The following KCTD1 variants were observed in gnomAD, a reference collection of about 807,000 sequenced individuals.
KCTD1 encodes the protein potassium channel tetramerization domain containing 1, also known as BTB/POZ domain-containing protein KCTD1.
A neutral mutation model predicts 66.0 loss-of-function variants in KCTD1; 24 were observed. The observed-to-expected ratio is 0.36, with a 90% CI of 0.26 to 0.51. KCTD1 has a LOEUF of 0.51. KCTD1 is among the 20% of genes least tolerant of loss of function. KCTD1 has a pLI of 0.95. For missense variants in KCTD1, 943 were observed against 1,205.2 expected, an observed-to-expected ratio of 0.78 and a Z score of 3.22; for synonymous variants, 511 against 517.2, an observed-to-expected ratio of 0.99 and a Z score of 0.16.
intron 2 of KCTD1, among the ~76,000 whole-genome samples, chr18:26,500,141 G>A (rs1398567449): frequency 6.6e-6 from 1 of 152,062 alleles, no homozygotes; most frequent in East Asian, 1.9e-4. Flanking sequence ...AATTAGCCAG[G>A]TGCAGTGGCT....
At chr18:26,626,166 C>A (rs116099129) in intron 1 of KCTD1, among the ~76,000 whole-genome samples, 40 of 138,650 alleles carry the variant, frequency 2.9e-4, no homozygotes, top group South Asian at 9.4e-4. Context: ...AAAAAAAAAA[C>A]AAAAAAAAAA....
intron 1 of KCTD1, among the ~76,000 whole-genome samples, chr18:26,651,797 AAAAAG>A (rs1414074936): frequency 4.4e-4 from 63 of 142,272 alleles, no homozygotes; most frequent in African/African-American, 1.6e-3. Flanking sequence ...AAAAAAAAAA[AAAAAG>A]AAGAAGAAGA....
intron 1 of KCTD1, among the ~76,000 whole-genome samples, chr18:26,635,438 C>T (rs1254420605): frequency 6.6e-6 from 1 of 152,236 alleles, no homozygotes; most frequent in Non-Finnish European, 1.5e-5. Context: ...CAGACCTGGT[C>T]GTGCTCCTGC....
intron 4 of KCTD1, chr18:26,456,413 A>AGTTT: frequency 6.6e-6 from 1 of 152,462 alleles, no homozygotes; most frequent in Admixed American, 6.5e-5. Context: ...CCTTTGTTCA[A>AGTTT]GTTTTCCTAA....
At chr18:26,647,549 A>G (rs1386409792) in intron 1 of KCTD1, among the ~76,000 whole-genome samples, 1 of 128,998 alleles carries the variant, frequency 7.8e-6, no homozygotes, top group African/African-American at 2.8e-5. Flanking sequence ...AAAAAAAAAA[A>G]AAAAAGGGCT....
chr18:26,481,007 T>C (rs532034588), intron 2 of KCTD1, among the ~76,000 whole-genome samples: 1 of 152,342 alleles, frequency 6.6e-6, no homozygotes, highest in Non-Finnish European at 1.5e-5. Flanking sequence ...TTTTCTTGTG[T>C]ATTCATTCAT....
At chr18:26,656,788 G>A (rs1988157043) in intron 1 of KCTD1, among the ~76,000 whole-genome samples, 1 of 150,778 alleles carries the variant, frequency 6.6e-6, no homozygotes, top group Admixed American at 6.6e-5. Context: ...AGAGATGTGC[G>A]CTTGGCTCTG....
chr18:26,492,140 G>A (rs763041901), intron 2 of KCTD1, among the ~76,000 whole-genome samples: 10 of 152,124 alleles, frequency 6.6e-5, no homozygotes, highest in Admixed American at 1.3e-4. Flanking sequence ...TACTTGAGAG[G>A]CTAAGATGGG....
At chr18:26,612,434 G>T (rs769272449) in intron 1 of KCTD1, among the ~76,000 whole-genome samples, 3 of 152,152 alleles carry the variant, frequency 2.0e-5, no homozygotes, top group Admixed American at 6.5e-5. Context: ...GCTAAAATTA[G>T]CTTATTAGAA....
At chr18:26,645,551 C>T (rs553552389) in intron 1 of KCTD1, among the ~76,000 whole-genome samples, 4 of 152,240 alleles carry the variant, frequency 2.6e-5, no homozygotes. Context: ...TACAAGCATG[C>T]ACCCCATGCC....
At chr18:26,568,383 C>T (rs534496637) in intron 1 of KCTD1, among the ~76,000 whole-genome samples, 8 of 152,032 alleles carry the variant, frequency 5.3e-5, no homozygotes, top group East Asian at 3.9e-4. Context: ...ACTACAGGCA[C>T]GCACCACCAC....
chr18:26,549,063 G>T (rs1047293357), upstream of KCTD1: 1 of 985,158 alleles, frequency 1.0e-6, no homozygotes, highest in Non-Finnish European at 1.2e-6. Context: ...CGGGCCGCGG[G>T]TGCTGCCGCG....
At chr18:26,555,391 C>G (rs1598939460) in intron 1 of KCTD1, among the ~76,000 whole-genome samples, 1 of 152,184 alleles carries the variant, frequency 6.6e-6, no homozygotes, top group East Asian at 1.9e-4. Flanking sequence ...CGCCACTGCA[C>G]TCCAGCCTGG....
At chr18:26,591,118 T>A (rs1274647346) in intron 1 of KCTD1, among the ~76,000 whole-genome samples, 2 of 152,164 alleles carry the variant, frequency 1.3e-5, no homozygotes, top group Admixed American at 6.6e-5. Flanking sequence ...CTTGAACTCC[T>A]GGCCTCAAGC....
At chr18:26,586,988 C>G (rs933275184) in intron 1 of KCTD1, among the ~76,000 whole-genome samples, 2 of 152,186 alleles carry the variant, frequency 1.3e-5, no homozygotes, top group African/African-American at 4.8e-5. Flanking sequence ...GAAGATCTAG[C>G]TAAGATCTAT....
chr18:26,502,250 C>T lies in KCTD1; in HGVS notation c.1810-1000G>A, dbSNP rs182693475. ...ATTTTTAGTAGAGACGGGGTTTCAC[C>T]GTGTTAGCCAGGATGGTCTTGATCT... On this transcript the variant is annotated intron_variant, in intron 1 of 4. Coordinates refer to ENST00000580059, the MANE Select transcript of KCTD1 (RefSeq NM_001142730.3). Among the ~76,000 whole-genome samples the T allele has an allele frequency of 5.5e-3, 844 of 152,264 alleles. 6 individuals are homozygous for T. Among genetic ancestry groups the T allele is most frequent in the African/African-American group, 0.019 (788 of 41,552 alleles).
intron 1 of KCTD1, among the ~76,000 whole-genome samples, chr18:26,514,121 C>T (rs963523723): frequency 1.3e-5 from 2 of 152,024 alleles, no homozygotes; most frequent in Non-Finnish European, 2.9e-5. Flanking sequence ...CTTGAGATTC[C>T]CCTGTAGAAC....
At chr18:26,590,123 G>C (rs1467449450) in intron 1 of KCTD1, among the ~76,000 whole-genome samples, 1 of 151,950 alleles carries the variant, frequency 6.6e-6, no homozygotes, top group Admixed American at 6.6e-5. Context: ...TTACTGTGTC[G>C]CCCAGGCTGG....
chr18:26,511,425 C>T (rs1247236982), intron 1 of KCTD1, among the ~76,000 whole-genome samples: 1 of 152,212 alleles, frequency 6.6e-6, no homozygotes, highest in African/African-American at 2.4e-5. Context: ...AGCTCTAAAA[C>T]ATTGCAAGAG....
Sources: allele counts gnomAD v4.1 joint callset (sites outside exome capture counted in the v4.1 genomes callset), GRCh38; gene constraint gnomAD v4.1.1; transcripts MANE v1.5; gene names NCBI Gene and HGNC (gene_info 2026-07-23, HGNC 2026-07-21).